The following ARHGAP21 variants were observed in gnomAD, a reference collection of about 807,000 sequenced individuals.
The protein encoded by ARHGAP21 is Rho GTPase activating protein 21.
Under a neutral mutation model 164.6 loss-of-function variants are expected in ARHGAP21, and 38 were observed. The ratio of observed to expected loss-of-function variants is 0.23; its 90% CI spans 0.18 to 0.30. ARHGAP21 has a LOEUF of 0.30. ARHGAP21 is among the 10% of genes least tolerant of loss of function. The probability of loss-of-function intolerance (pLI) is 1.00; values close to 1 mark genes in which losing one functional copy is unlikely to be tolerated. For synonymous variants in ARHGAP21, 766 were observed against 857.9 expected, an observed-to-expected ratio of 0.89 and a Z score of 1.87; for missense variants, 1,822 against 2,370.7, an observed-to-expected ratio of 0.77 and a Z score of 4.81.
At chr10:24,723,191 C>G (rs969834047) in intron 1 of ARHGAP21, 1 of 150,408 alleles carries the variant, frequency 6.6e-6, no homozygotes, top group African/African-American at 2.4e-5. Context: ...GGCCGAAGCG[C>G]GGCGGCGAGC....
intron 4 of ARHGAP21, among the ~76,000 whole-genome samples, chr10:24,656,419 G>A (rs1160776425): frequency 6.9e-5 from 6 of 87,338 alleles, no homozygotes; most frequent in African/African-American, 1.0e-4. Context: ...CCGGCCAGCC[G>A]CCCCGTCTGG....
At chr10:24,642,583 G>A (rs1593138611) in intron 4 of ARHGAP21, among the ~76,000 whole-genome samples, 1 of 151,362 alleles carries the variant, frequency 6.6e-6, no homozygotes, top group Non-Finnish European at 1.5e-5. Flanking sequence ...GTAGCATTCT[G>A]CACTATGTGA....
At chr10:24,605,879 A>G (rs992669764) in intron 11 of ARHGAP21, 4 of 152,188 alleles carry the variant, frequency 2.6e-5, no homozygotes, top group African/African-American at 9.6e-5. Context: ...AAACTACCAT[A>G]ATTAATAGAA....
chr10:24,697,126 C>T (rs138513413), intron 2 of ARHGAP21, among the ~76,000 whole-genome samples: 92 of 152,162 alleles, frequency 6.0e-4, no homozygotes, highest in African/African-American at 2.2e-3. Context: ...TAGGGGTGGC[C>T]CTTCCCTGGC....
chr10:24,688,561 C>G (rs772006365), intron 2 of ARHGAP21, among the ~76,000 whole-genome samples: 21 of 152,108 alleles, frequency 1.4e-4, no homozygotes, highest in Non-Finnish European at 1.3e-4. Flanking sequence ...CTCCAATAGG[C>G]CAAGACTAGA....
intron 5 of ARHGAP21, among the ~76,000 whole-genome samples, chr10:24,634,047 GAAC>G (rs1836128213): frequency 1.3e-5 from 2 of 151,538 alleles, no homozygotes; most frequent in Non-Finnish European, 2.9e-5. Context: ...CAGAAACAAA[GAAC>G]AGAGGAAAGA....
intron 7 of ARHGAP21, among the ~76,000 whole-genome samples, chr10:24,623,983 A>C (rs994908568): frequency 6.6e-6 from 1 of 152,312 alleles, no homozygotes; most frequent in African/African-American, 2.4e-5. Flanking sequence ...GAACTATTAA[A>C]ACTTGAGAAT....
intron 4 of ARHGAP21, among the ~76,000 whole-genome samples, chr10:24,654,428 G>T (rs1378831351): frequency 6.6e-6 from 1 of 152,158 alleles, no homozygotes; most frequent in Non-Finnish European, 1.5e-5. Context: ...ATTCAGCAAA[G>T]TCTTAGGATA....
rs550084527 is a variant in ARHGAP21, at chr10:24,605,807, T to C, written c.2685-1459A>G. On this transcript the variant is annotated intron_variant, in intron 11 of 25. Transcript: ENST00000396432. ...TAAGGTTCAAATACTAAAATAAAAA[T>C]AGCCAGGAGAATTCTGAAAAAACAT... 2.2e-3 allele frequency: 307 copies of C among 142,670 alleles called. 1 individual carries two copies. The highest frequency in any genetic ancestry group is 7.3e-3 in the African/African-American group (296 of 40,816). The allele number at this position is 142,670 out of a possible 1,614,324, so 8.8% of individuals were successfully genotyped here. A position where few individuals can be genotyped will look rare whatever the true frequency, so the allele number is the denominator to read the frequency against.
chr10:24,713,334 A>G (rs1845027311), intron 2 of ARHGAP21, among the ~76,000 whole-genome samples: 1 of 152,240 alleles, frequency 6.6e-6, no homozygotes, highest in Non-Finnish European at 1.5e-5. Context: ...AAACATAGTA[A>G]GTAACCAATT....
intron 7 of ARHGAP21, among the ~76,000 whole-genome samples, chr10:24,624,878 G>T (rs1369616632): frequency 6.6e-6 from 1 of 151,836 alleles, no homozygotes; most frequent in African/African-American, 2.4e-5. Context: ...AACATTTTTA[G>T]CCATTTTTTC....
Position 24,664,564 on chromosome 10 carries a change from AAATAAT to A in ARHGAP21, c.268+2415_268+2420del, listed in dbSNP as rs1312225404. The stretch of plus-strand genomic sequence containing the variant: ...AGTGAGATTCCGTCTCAAAAAAAAA[AAATAAT>A]AATAATAATAATAATAATAACAGTA... On this transcript the variant is annotated intron_variant, in intron 4 of 25. Coordinates refer to ENST00000396432, the MANE Select transcript of ARHGAP21 (RefSeq NM_020824.4). 2.1e-3 allele frequency among the ~76,000 whole-genome samples: 314 copies of A among 149,118 alleles called. 2 individuals are homozygous for A. The highest frequency in any genetic ancestry group is 7.3e-3 in the African/African-American group (293 of 40,264).
Position 24,607,907 on chromosome 10 carries a change from T to TAAGA in ARHGAP21, c.2423-8_2423-5dup, listed in dbSNP as rs749603152. 4.4e-6 allele frequency: 7 copies of TAAGA among 1,580,106 alleles called. No homozygotes were observed. Among genetic ancestry groups the TAAGA allele is most frequent in the South Asian group, 3.5e-5 (3 of 85,962 alleles). On this transcript the variant is annotated splice_region_variant and splice_polypyrimidine_tract_variant and intron_variant, in intron 9 of 25. Transcript: ENST00000396432. ...ATGCTAGGGCTAGTTGGTTCATCTG[T>TAAGA]AAGAAAAAAGGAAAATCAGAATGTT...
At chr10:24,685,636 G>A (rs538063705) in intron 2 of ARHGAP21, among the ~76,000 whole-genome samples, 1 of 152,296 alleles carries the variant, frequency 6.6e-6, no homozygotes, top group East Asian at 1.9e-4. Context: ...AGCACTTTGG[G>A]AGGCCGAGGT....
intron 2 of ARHGAP21, among the ~76,000 whole-genome samples, chr10:24,671,359 T>C (rs79813279): frequency 1.1e-3 from 162 of 152,292 alleles, no homozygotes; most frequent in African/African-American, 3.1e-3. Context: ...CATTTCTCTC[T>C]GGTCATTCAT....
At chr10:24,667,175 G>A (rs1176389699) in intron 3 of ARHGAP21, among the ~76,000 whole-genome samples, 166 bp from the exon 4 acceptor site, 6 of 152,142 alleles carry the variant, frequency 3.9e-5, no homozygotes, top group African/African-American at 1.4e-4. Flanking sequence ...CCACTGGCAA[G>A]CTCAAAAGCA....
chr10:24,612,261 T>C (rs898734944), intron 9 of ARHGAP21, among the ~76,000 whole-genome samples: 4 of 152,128 alleles, frequency 2.6e-5, no homozygotes, highest in East Asian at 1.9e-4. Context: ...AGCATAATAA[T>C]TGAAGGAATA....
At chr10:24,617,671 TTAAG>T (rs1039421186) in intron 9 of ARHGAP21, among the ~76,000 whole-genome samples, 9 of 152,116 alleles carry the variant, frequency 5.9e-5, no homozygotes, top group Admixed American at 2.6e-4. Flanking sequence ...ACCTATCCAA[TTAAG>T]TGTTTTCTCA....
Position 24,620,101 on chromosome 10 carries a change from A to G in ARHGAP21, c.1794T>C (p.Asn598=). The G allele has an allele frequency of 5.0e-6, 8 of 1,613,912 alleles. No individual in the cohort carries two copies. The highest frequency in any genetic ancestry group is 6.8e-6 in the Non-Finnish European group (8 of 1,179,862). The change falls in exon 9 of 26, where the codon AAT becomes AAC. Residue 598 remains asparagine, a synonymous_variant. Transcript: ENST00000396432. ...GTGACATTCCACAAGTAGTCTGAAAATTTCTGTTTGACTGCAATGTTTTTA... is the reference window on the plus strand; with the variant it reads ...GTGACATTCCACAAGTAGTCTGAAAGTTTCTGTTTGACTGCAATGTTTTTA... ...PDLKTLQSNR[N]FQTTCGMSLP... is the part of the protein sequence containing the mutation.
Sources: gnomAD v4.1 joint callset for allele counts (sites outside exome capture counted in the v4.1 genomes callset) on GRCh38, gnomAD v4.1.1 for gene constraint, MANE v1.5 for transcripts, NCBI Gene and HGNC (gene_info 2026-07-23, HGNC 2026-07-21) for gene names.